Variants in ZBTB20 observed in about 807,000 individuals in gnomAD.
ZBTB20 encodes the protein zinc finger and BTB domain-containing protein 20.
In ZBTB20, 9 loss-of-function variants were observed where a neutral mutation model predicts 56.9. The ratio of observed to expected loss-of-function variants is 0.16; its 90% CI spans 0.10 to 0.28. The LOEUF (loss-of-function observed/expected upper bound fraction) is 0.28. Ranked by LOEUF, ZBTB20 falls within the 10% of genes least tolerant of loss-of-function variation. ZBTB20 has a pLI of 1.00. For synonymous variants in ZBTB20, 417 were observed against 420.7 expected (o/e 0.99, Z 0.11); for missense variants, 655 against 1,003.0 (o/e 0.65, Z 4.69).
chr3:114,758,526 G>A (rs1578738573), intron 5 of ZBTB20, among the ~76,000 whole-genome samples: 3 of 152,170 alleles, frequency 2.0e-5, no homozygotes, highest in South Asian at 2.1e-4. Context: ...AAATATGTTC[G>A]AAACACTGTA....
At chr3:114,516,961 C>T (rs2046070592) in intron 6 of ZBTB20, among the ~76,000 whole-genome samples, 1 of 152,124 alleles carries the variant, frequency 6.6e-6, no homozygotes, top group African/African-American at 2.4e-5. Context: ...CGTTACAAAG[C>T]CCCAGAAAAC....
At chr3:114,509,063 A>T (rs2045000970) in intron 6 of ZBTB20, among the ~76,000 whole-genome samples, 1 of 152,174 alleles carries the variant, frequency 6.6e-6, no homozygotes, top group South Asian at 2.1e-4. Context: ...TTAACCAGCA[A>T]CTTGAATTTT....
At chr3:114,454,090 AAG>A (rs1491318771) in intron 7 of ZBTB20, among the ~76,000 whole-genome samples, 6 of 149,938 alleles carry the variant, frequency 4.0e-5, no homozygotes, top group African/African-American at 1.2e-4. Context: ...GGAAAAAAAG[AAG>A]AGAGAGGGAG....
At chr3:114,909,926 G>A (rs568357642) in intron 3 of ZBTB20, among the ~76,000 whole-genome samples, 3 of 151,880 alleles carry the variant, frequency 2.0e-5, no homozygotes, top group Admixed American at 6.6e-5. Flanking sequence ...AAGCTGAAAC[G>A]TAACAATAAT....
At chr3:114,536,494 C>G (rs1287719537) in intron 6 of ZBTB20, among the ~76,000 whole-genome samples, 1 of 152,112 alleles carries the variant, frequency 6.6e-6, no homozygotes, top group Non-Finnish European at 1.5e-5. Context: ...AGAGAGGACA[C>G]AAACAAATGG....
At chr3:114,949,911 C>G (rs904694219) in intron 3 of ZBTB20, among the ~76,000 whole-genome samples, 12 of 151,892 alleles carry the variant, frequency 7.9e-5, no homozygotes, top group Non-Finnish European at 1.5e-4. Flanking sequence ...AAAACAGAAA[C>G]AAACCCAACT....
intron 6 of ZBTB20, among the ~76,000 whole-genome samples, chr3:114,609,405 C>A (rs2057391336): frequency 6.6e-6 from 1 of 152,144 alleles, no homozygotes; most frequent in African/African-American, 2.4e-5. Flanking sequence ...AATTAATTCC[C>A]ACTATCAAAT....
At chr3:114,806,767 T>C (rs1426416668) in intron 4 of ZBTB20, among the ~76,000 whole-genome samples, 2 of 152,032 alleles carry the variant, frequency 1.3e-5, no homozygotes, top group African/African-American at 2.4e-5. Context: ...GTGCAGGATA[T>C]GAAATAAGAA....
intron 7 of ZBTB20, among the ~76,000 whole-genome samples, chr3:114,462,579 G>GCT (rs543950182): frequency 1.2e-3 from 180 of 152,256 alleles, no homozygotes; most frequent in Non-Finnish European, 1.7e-3. Context: ...GCTCCAGGGA[G>GCT]CTCGCTCAAC....
chr3:114,642,796 T>C (rs2059627702), intron 6 of ZBTB20, among the ~76,000 whole-genome samples: 1 of 152,082 alleles, frequency 6.6e-6, no homozygotes. Context: ...AATAAATGAA[T>C]TCCAAGGAAA....
At chr3:114,411,082 T>G (rs1185380839) in intron 7 of ZBTB20, among the ~76,000 whole-genome samples, 2 of 152,164 alleles carry the variant, frequency 1.3e-5, no homozygotes, top group African/African-American at 4.8e-5. Flanking sequence ...AAAAGCAAAC[T>G]GAGAGCTCTT....
At chr3:114,808,526 T>C (rs1356200341) in intron 4 of ZBTB20, among the ~76,000 whole-genome samples, 2 of 152,158 alleles carry the variant, frequency 1.3e-5, no homozygotes, top group South Asian at 2.1e-4. Context: ...TGATACCTTC[T>C]CTCTGATTCC....
At chr3:114,924,730 T>C (rs1010737862) in intron 3 of ZBTB20, among the ~76,000 whole-genome samples, 1 of 152,168 alleles carries the variant, frequency 6.6e-6, no homozygotes, top group East Asian at 1.9e-4. Flanking sequence ...ACTTTCACTA[T>C]ATACAATCTT....
chr3:115,029,702 A>C (rs1363030671), intron 2 of ZBTB20, among the ~76,000 whole-genome samples: 1 of 150,786 alleles, frequency 6.6e-6, no homozygotes, highest in East Asian at 1.9e-4. Flanking sequence ...GAACAGAGTA[A>C]ATTTAGAGCC....
intron 2 of ZBTB20, among the ~76,000 whole-genome samples, chr3:115,045,219 T>A (rs1314227556): frequency 6.6e-6 from 1 of 152,174 alleles, no homozygotes; most frequent in Non-Finnish European, 1.5e-5. Context: ...TTGAACATTC[T>A]TATTCAATTT....
intron 6 of ZBTB20, among the ~76,000 whole-genome samples, chr3:114,515,787 C>G (rs149636811): frequency 2.0e-5 from 3 of 152,248 alleles, no homozygotes; most frequent in East Asian, 1.9e-4. Flanking sequence ...CTTTTCCTTT[C>G]TTTTGTATTT....
intron 3 of ZBTB20, among the ~76,000 whole-genome samples, chr3:114,969,067 T>C (rs1046356443): frequency 6.6e-6 from 1 of 152,240 alleles, no homozygotes; most frequent in Non-Finnish European, 1.5e-5. Context: ...CATTTATTAA[T>C]ATATCTATGT....
At position 114,331,778 on chromosome 3, in the gene ZBTB20, G is replaced by A. The variant is rs2079266813; in HGVS notation, c.*7227C>T. ...AAGGCAACAAAGCATAAGCAGATAC[G>A]TGAGATATGTCAGACCTTCGACTTC... is the stretch of plus-strand genomic sequence containing the variant. On this transcript the variant is annotated 3_prime_UTR_variant, in exon 12 of 12. Coordinates refer to ENST00000675478, the MANE Select transcript of ZBTB20 (RefSeq NM_001348800.3). 1 of 152,144 alleles carries A rather than the reference G, an allele frequency of 6.6e-6. No homozygotes were observed. Among genetic ancestry groups the A allele is most frequent in the Non-Finnish European group, 1.5e-5 (1 of 68,026 alleles). 9.4% of individuals were successfully genotyped at this position (152,144 alleles called of 1,614,324 possible). A position where few individuals can be genotyped will look rare whatever the true frequency, so the allele number is the denominator to read the frequency against.
At chr3:114,799,137 C>A (rs933482240) in intron 5 of ZBTB20, among the ~76,000 whole-genome samples, 2 of 151,786 alleles carry the variant, frequency 1.3e-5, no homozygotes, top group Non-Finnish European at 2.9e-5. Context: ...GCCTCTTGAC[C>A]CAATACTTAT....
Sources: allele counts gnomAD v4.1 joint callset (sites outside exome capture counted in the v4.1 genomes callset), GRCh38; gene constraint gnomAD v4.1.1; transcripts MANE v1.5; gene names NCBI Gene and HGNC (gene_info 2026-07-23, HGNC 2026-07-21).